APP: variants seen among roughly 807,000 people sequenced by gnomAD.
APP encodes the protein amyloid beta precursor protein.
In APP, 31 loss-of-function variants were observed where a neutral mutation model predicts 101.4. That is an observed-to-expected ratio of 0.31 (90% CI 0.23 to 0.41). The LOEUF is 0.41. APP is among the 10% of genes least tolerant of loss of function. The pLI is 1.00. For synonymous variants in APP, 366 were observed against 364.4 expected, an observed-to-expected ratio of 1.00 and a Z score of -0.05; for missense variants, 839 against 1,003.7, an observed-to-expected ratio of 0.84 and a Z score of 2.22.
At chr21:26,000,223 A>T in intron 6 of APP, 41 bp from the exon 7 acceptor site, 2 of 1,609,974 alleles carry the variant, frequency 1.2e-6, no homozygotes, top group Non-Finnish European at 1.7e-6. Flanking sequence ...TAGCATGAAA[A>T]GGCACTGTCT....
At chr21:26,046,667 T>TA (rs1244052998) in intron 5 of APP, among the ~76,000 whole-genome samples, 5 of 152,140 alleles carry the variant, frequency 3.3e-5, no homozygotes, top group East Asian at 3.9e-4. Flanking sequence ...GATTGTTTCT[T>TA]AAAAAAAATG....
intron 5 of APP, among the ~76,000 whole-genome samples, chr21:26,033,975 G>C (rs2044969417): frequency 6.6e-6 from 1 of 152,186 alleles, no homozygotes; most frequent in Non-Finnish European, 1.5e-5. Flanking sequence ...CCCCGCTGGA[G>C]AGGCATACAG....
intron 8 of APP, among the ~76,000 whole-genome samples, chr21:25,993,970 T>C (rs1030700911): frequency 6.6e-6 from 1 of 152,208 alleles, no homozygotes; most frequent in African/African-American, 2.4e-5. Flanking sequence ...TTGTACCACA[T>C]GTCAGCGCAA....
intron 13 of APP, among the ~76,000 whole-genome samples, chr21:25,927,954 C>A (rs576354386): frequency 6.6e-6 from 1 of 152,284 alleles, no homozygotes; most frequent in African/African-American, 2.4e-5. Flanking sequence ...TTCCCGTTTA[C>A]CTGTAGAACT....
chr21:26,124,101 A>G (rs2062633184), intron 1 of APP, among the ~76,000 whole-genome samples: 1 of 152,202 alleles, frequency 6.6e-6, no homozygotes, highest in Non-Finnish European at 1.5e-5. Context: ...CATTCAATAA[A>G]TACTTATGCC....
chr21:26,095,448 A>G (rs1311428122), intron 2 of APP, among the ~76,000 whole-genome samples: 5 of 152,224 alleles, frequency 3.3e-5, no homozygotes, highest in Non-Finnish European at 7.3e-5. Flanking sequence ...TATTTGACTT[A>G]ATAACGGCCC....
At chr21:25,980,460 A>G (rs984741454) in intron 9 of APP, among the ~76,000 whole-genome samples, 1 of 152,062 alleles carries the variant, frequency 6.6e-6, no homozygotes, top group South Asian at 2.1e-4. Context: ...GAAAGATCTG[A>G]TTTTCTTGGC....
chr21:26,130,408 A>C (rs2062770170), intron 1 of APP, among the ~76,000 whole-genome samples: 1 of 152,202 alleles, frequency 6.6e-6, no homozygotes, highest in African/African-American at 2.4e-5. Context: ...TCCAGGCACA[A>C]GCCAGGCACA....
chr21:25,910,448 T>C (rs2039014432), intron 14 of APP, among the ~76,000 whole-genome samples: 1 of 152,170 alleles, frequency 6.6e-6, no homozygotes, highest in African/African-American at 2.4e-5. Context: ...ATATTATAAA[T>C]ATGAAATCTC....
At chr21:25,888,715 G>A (rs1047378154) in intron 17 of APP, among the ~76,000 whole-genome samples, 1 of 152,152 alleles carries the variant, frequency 6.6e-6, no homozygotes, top group African/African-American at 2.4e-5. Flanking sequence ...CTGGGTCAAA[G>A]TGTCAACTTC....
At chr21:26,092,731 C>T (rs540365338) in intron 2 of APP, among the ~76,000 whole-genome samples, 18 of 152,052 alleles carry the variant, frequency 1.2e-4, no homozygotes, top group Non-Finnish European at 2.2e-4. Context: ...ACAAATGTAC[C>T]ATTCTGTGGG....
Position 26,049,349 on chromosome 21 carries a change from G to C in APP, c.662+1651C>G, listed in dbSNP as rs772887836. ...TGGTTTATTCAACAAACACGTACTG[G>C]GCACCTACCAAATGTCAGGTACCAT... On this transcript the variant is annotated intron_variant, in intron 5 of 17. Transcript: ENST00000346798. Among the ~76,000 whole-genome samples the C allele has an allele frequency of 1.3e-3, 197 of 152,108 alleles. 1 individual carries two copies. Among genetic ancestry groups the C allele is most frequent in the Middle Eastern group, 6.3e-3 (2 of 316 alleles).
intron 1 of APP, among the ~76,000 whole-genome samples, chr21:26,120,985 TA>T (rs1303031065): frequency 7.0e-3 from 1 of 142 alleles, no homozygotes; most frequent in African/African-American, 0.028. Context: ...TTGCCACACG[TA>T]GGCTCCCGCC....
In APP at chr21:26,000,082, G is replaced by C. The variant is rs200016837; in HGVS notation, c.966C>G (p.Gly322=). The C allele has an allele frequency of 2.0e-5, 33 of 1,614,010 alleles. No individual in the cohort carries two copies. The highest frequency in any genetic ancestry group is 2.7e-5 in the African/African-American group (2 of 74,902). ...AGTTGTTCCGGTTGCCGCCACATCC[G>C]CCGTAAAAGAATGGGGCACACTTCC... is the stretch of plus-strand genomic sequence containing the variant. ...TEGKCAPFFY[G]GCGGNRNNFD... is the part of the protein sequence containing the mutation. The change falls in exon 7 of 18, where the codon GGC becomes GGG. Residue 322 remains glycine (G), a synonymous_variant. Transcript: ENST00000346798.
chr21:25,890,546 G>A (rs975493897), intron 17 of APP, among the ~76,000 whole-genome samples: 3 of 152,058 alleles, frequency 2.0e-5, no homozygotes, highest in Non-Finnish European at 4.4e-5. Context: ...TTCGAGACCA[G>A]CCTGACCAAT....
chr21:26,079,973 A>T (rs1195752550), intron 3 of APP, among the ~76,000 whole-genome samples: 1 of 152,024 alleles, frequency 6.6e-6, no homozygotes, highest in Non-Finnish European at 1.5e-5. Flanking sequence ...AAAATACAAA[A>T]ATCTGCTAGG....
At chr21:25,886,638 A>G (rs1035005696) in intron 17 of APP, among the ~76,000 whole-genome samples, 79 of 151,800 alleles carry the variant, frequency 5.2e-4, no homozygotes, top group Non-Finnish European at 1.8e-4. Flanking sequence ...CAAGTGATCC[A>G]CCTGCCTTGG....
chr21:25,930,598 A>G (rs189462406), intron 13 of APP, among the ~76,000 whole-genome samples: 109 of 151,894 alleles, frequency 7.2e-4, no homozygotes, highest in African/African-American at 2.5e-3. Context: ...ATATATATAT[A>G]TATATGTAAA....
intron 1 of APP, among the ~76,000 whole-genome samples, chr21:26,145,676 TCTC>T (rs2063140158): frequency 6.6e-6 from 1 of 152,148 alleles, no homozygotes; most frequent in African/African-American, 2.4e-5. Context: ...TGTACTACCT[TCTC>T]CTCCATTCCA....
Sources: allele counts gnomAD v4.1 joint callset (sites outside exome capture counted in the v4.1 genomes callset), GRCh38; gene constraint gnomAD v4.1.1; transcripts MANE v1.5; gene names NCBI Gene and HGNC (gene_info 2026-07-23, HGNC 2026-07-21).